RANBP2: variants seen among roughly 807,000 people sequenced by gnomAD.
RANBP2 encodes the protein RAN binding protein 2.
Under a neutral mutation model 303.6 loss-of-function variants are expected in RANBP2, and 57 were observed. The observed-to-expected ratio is 0.19, with a 90% CI of 0.15 to 0.23. RANBP2 has a LOEUF of 0.23. RANBP2 is among the 10% of genes least tolerant of loss of function. The pLI is 1.00. For synonymous variants in RANBP2, 1,167 were observed against 1,301.5 expected, an observed-to-expected ratio of 0.90 and a Z score of 2.23; for missense variants, 3,138 against 3,780.8, an observed-to-expected ratio of 0.83 and a Z score of 4.46.
chr2:109,323,258 T>C, the RANBP2 span, among the ~76,000 whole-genome samples: 2 of 152,122 alleles, frequency 1.3e-5, no homozygotes, highest in African/African-American at 4.8e-5. Context: ...CTGGGAGTCA[T>C]TGGGTGTATA....
chr2:109,227,356 C>T, the RANBP2 span, among the ~76,000 whole-genome samples: 2 of 152,194 alleles, frequency 1.3e-5, no homozygotes, highest in South Asian at 4.1e-4. Context: ...CTTCTCAAGT[C>T]CTGGTTCTCA....
At chr2:108,806,747 TG>T in the RANBP2 span, among the ~76,000 whole-genome samples, 1 of 152,228 alleles carries the variant, frequency 6.6e-6, no homozygotes, top group Non-Finnish European at 1.5e-5. Flanking sequence ...GAAAAAGATA[TG>T]TTATTTCTGT....
chr2:109,242,719 C>G, the RANBP2 span, among the ~76,000 whole-genome samples: 1 of 152,298 alleles, frequency 6.6e-6, no homozygotes, highest in African/African-American at 2.4e-5. Flanking sequence ...GGTCTGGGCT[C>G]AGAGGTTTGG....
chr2:109,504,935 T>C, the RANBP2 span, among the ~76,000 whole-genome samples: 1 of 152,312 alleles, frequency 6.6e-6, no homozygotes, highest in Non-Finnish European at 1.5e-5. Context: ...GGGTCTCCAG[T>C]TCCCCTCTAG....
the RANBP2 span, among the ~76,000 whole-genome samples, chr2:109,034,808 C>T: frequency 2.0e-5 from 3 of 152,326 alleles, no homozygotes; most frequent in African/African-American, 4.8e-5. Context: ...AAACCCCTCT[C>T]CTGTACAGAG....
the RANBP2 span, chr2:109,546,245 C>G: frequency 6.5e-7 from 1 of 1,533,894 alleles, no homozygotes; most frequent in Non-Finnish European, 8.8e-7. Flanking sequence ...TAGCTGGAAA[C>G]AAAAGTGCAA....
At chr2:109,032,214 T>C in the RANBP2 span, among the ~76,000 whole-genome samples, 1 of 152,158 alleles carries the variant, frequency 6.6e-6, no homozygotes, top group Non-Finnish European at 1.5e-5. Flanking sequence ...ACTTCTAAAG[T>C]TATTACCTGT....
intron 2 of RANBP2, among the ~76,000 whole-genome samples, chr2:108,730,398 G>C (rs968271954): frequency 2.0e-5 from 3 of 151,640 alleles, no homozygotes; most frequent in Non-Finnish European, 1.5e-5. Context: ...TTAGTATTTT[G>C]CATTATGATA....
the RANBP2 span, among the ~76,000 whole-genome samples, chr2:109,307,254 C>A: frequency 2.6e-5 from 4 of 152,092 alleles, no homozygotes; most frequent in Non-Finnish European, 5.9e-5. Context: ...TTGTGTGTAG[C>A]CACATTGATT....
chr2:109,642,663 A>C, the RANBP2 span, among the ~76,000 whole-genome samples: 2 of 152,210 alleles, frequency 1.3e-5, no homozygotes, highest in Admixed American at 1.3e-4. Context: ...AAATAAAAAA[A>C]AAAAAAGAAA....
At chr2:109,031,467 G>GGACT in the RANBP2 span, among the ~76,000 whole-genome samples, 1 of 152,224 alleles carries the variant, frequency 6.6e-6, no homozygotes, top group African/African-American at 2.4e-5. Context: ...GTTGCACCGG[G>GGACT]GACTGGGCTT....
At chr2:108,786,086 T>C (rs1573868271), downstream of RANBP2, among the ~76,000 whole-genome samples, 3 of 152,192 alleles carry the variant, frequency 2.0e-5, no homozygotes, top group South Asian at 4.1e-4. Context: ...CTATGTACTA[T>C]GGTTAGCACT....
the RANBP2 span, among the ~76,000 whole-genome samples, chr2:109,208,361 G>A: frequency 6.6e-6 from 1 of 152,244 alleles, no homozygotes; most frequent in Non-Finnish European, 1.5e-5. Flanking sequence ...TACAGCAGAA[G>A]TTTCCCATGC....
chr2:109,720,313 C>A, the RANBP2 span, among the ~76,000 whole-genome samples: 1 of 151,494 alleles, frequency 6.6e-6, no homozygotes, highest in Admixed American at 6.6e-5. Context: ...ATATACAGTC[C>A]CTTCAGTGAC....
At chr2:109,648,746 T>C in the RANBP2 span, among the ~76,000 whole-genome samples, 5 of 150,728 alleles carry the variant, frequency 3.3e-5, no homozygotes, top group Non-Finnish European at 5.9e-5. Flanking sequence ...CCCTGCCGCC[T>C]GGGTTCAGGC....
the RANBP2 span, chr2:109,398,566 T>A: frequency 1.3e-6 from 2 of 1,523,298 alleles, no homozygotes; most frequent in African/African-American, 2.7e-5. Context: ...TAATGCAGCC[T>A]CCCCTCTCCC....
At chr2:109,613,290 GA>G in the RANBP2 span, 11 of 696,144 alleles carry the variant, frequency 1.6e-5, no homozygotes, top group South Asian at 6.5e-5. Context: ...GTCAAGGCGG[GA>G]AAAAAACGGT....
chr2:109,770,424 A>G, the RANBP2 span, among the ~76,000 whole-genome samples: 7 of 89,772 alleles, frequency 7.8e-5, no homozygotes, highest in Non-Finnish European at 1.4e-4. Context: ...ATAGAAGCTC[A>G]GAGCATCCTG....
At chr2:108,980,462 AAT>A in the RANBP2 span, among the ~76,000 whole-genome samples, 2 of 151,966 alleles carry the variant, frequency 1.3e-5, no homozygotes, top group Non-Finnish European at 2.9e-5. Flanking sequence ...TCTAGGTTCA[AAT>A]ATATATATAT....
Sources: gnomAD v4.1 joint callset for allele counts (sites outside exome capture counted in the v4.1 genomes callset) on GRCh38, gnomAD v4.1.1 for gene constraint, MANE v1.5 for transcripts, NCBI Gene and HGNC (gene_info 2026-07-23, HGNC 2026-07-21) for gene names.